Variants in GEM observed in about 807,000 individuals in gnomAD.
The protein encoded by GEM is GTP-binding protein GEM.
A neutral mutation model predicts 33.0 loss-of-function variants in GEM; 31 were observed. That is an observed-to-expected ratio of 0.94 (90% CI 0.71 to 1.27). The LOEUF is 1.27. Ranked by LOEUF, GEM falls within the 50% of genes most tolerant of loss-of-function variation. The probability of loss-of-function intolerance (pLI) is 0.00; values close to 1 mark genes in which losing one functional copy is unlikely to be tolerated. For synonymous variants in GEM, 141 were observed against 143.7 expected, an observed-to-expected ratio of 0.98 and a Z score of 0.13; for missense variants, 354 against 390.5, an observed-to-expected ratio of 0.91 and a Z score of 0.79.
rs372249284 is a variant in GEM, at chr8:94,252,178, C to T, written c.454G>A (p.Ala152Thr). 5.0e-6 allele frequency: 8 copies of T among 1,612,980 alleles called. No homozygotes were observed. The highest frequency in any genetic ancestry group is 2.7e-5 in the African/African-American group (2 of 74,890). The change falls in exon 4 of 5, where the codon GCA (alanine) becomes ACA (threonine). Residue 152 changes from alanine to threonine, a missense_variant. Ala to Thr is a moderately conservative substitution (Grantham distance 58). Coordinates refer to ENST00000297596, the MANE Select transcript of GEM (RefSeq NM_005261.4). The stretch of plus-strand genomic sequence containing the variant: ...GTGATTGAGTAGACAATCAGGTATG[C>T]GTCCCCGACCTGCATGCAGTGGTCA... ...LHDHCMQVGD[A>T]YLIVYSITDR...
At chr8:94,254,388 C>T (rs377665469) in intron 2 of GEM, among the ~76,000 whole-genome samples, 1 of 152,098 alleles carries the variant, frequency 6.6e-6, no homozygotes, top group African/African-American at 2.4e-5. Flanking sequence ...AATTCAAATC[C>T]AGGTGCCATC....
chr8:94,252,318 T>A, intron 3 of GEM, 95 bp from the exon 4 acceptor site: 2 of 830,890 alleles, frequency 2.4e-6, no homozygotes, highest in Non-Finnish European at 3.9e-6. Context: ...TAAAGTACAC[T>A]TGCTGATAGG....
At chr8:94,255,490 C>T (rs1808871594) in intron 2 of GEM, among the ~76,000 whole-genome samples, 1 of 152,126 alleles carries the variant, frequency 6.6e-6, no homozygotes, top group African/African-American at 2.4e-5. Flanking sequence ...CGGCCTCTGG[C>T]TGTGTGCACC....
Position 94,260,319 on chromosome 8 carries a change from G to A in GEM, c.185C>T (p.Ser62Phe), listed in dbSNP as rs755764047. 6 of 1,614,190 alleles carry A rather than the reference G, an allele frequency of 3.7e-6. No individual in the cohort carries two copies. Among genetic ancestry groups the A allele is most frequent in the Non-Finnish European group, 5.1e-6 (6 of 1,179,992 alleles). Residue 62 changes from serine to phenylalanine, a missense_variant, in exon 2 of 5, where the codon TCC (serine) becomes TTC (phenylalanine). By Grantham distance (155) the Ser-to-Phe change is radical. Coordinates refer to ENST00000297596, the MANE Select transcript of GEM (RefSeq NM_005261.4). ...DHCRRSWSSD[S>F]TDSVISSESG... ...CTCAGAGGAGATGACTGAGTCTGTG[G>A]AGTCAGAGGACCAGCTTCGGCGGCA...
In GEM at chr8:94,256,986, A is replaced by T. The variant is rs58885142; in HGVS notation, c.331+3187T>A. The stretch of plus-strand genomic sequence containing the variant: ...AAGAGCACCCAGCCAAGTCAGTGTC[A>T]GAGCTGCGTCTAAACCCATCATCAA... On this transcript the variant is annotated intron_variant, in intron 2 of 4. Transcript: ENST00000297596. 4.7e-3 allele frequency among the ~76,000 whole-genome samples: 713 copies of T among 152,218 alleles called. 7 individuals are homozygous for T. Among genetic ancestry groups the T allele is most frequent in the African/African-American group, 0.016 (681 of 41,530 alleles).
chr8:94,257,558 C>T (rs1040308912), intron 2 of GEM, among the ~76,000 whole-genome samples: 1 of 152,204 alleles, frequency 6.6e-6, no homozygotes, highest in Non-Finnish European at 1.5e-5. Context: ...CCTTACACCA[C>T]TTTCAAGACA....
Position 94,260,280 on chromosome 8 carries a change from T to C in GEM, c.224A>G (p.Tyr75Cys), listed in dbSNP as rs772917669. 1.9e-6 allele frequency: 3 copies of C among 1,613,542 alleles called. No homozygotes were observed. Among genetic ancestry groups the C allele is most frequent in the South Asian group, 2.2e-5 (2 of 91,084 alleles). Reference protein sequence around the residue: ...SVISSESGNTYYRVVLIGEQG... With the variant: ...SVISSESGNTCYRVVLIGEQG... ...CTCCCCTATGAGCACCACTCGGTAG[T>C]AGGTGTTCCCTGACTCAGAGGAGAT... Residue 75 changes from tyrosine to cysteine, a missense_variant, in exon 2 of 5, where the codon TAC (tyrosine) becomes TGC (cysteine). Transcript: ENST00000297596.
At chr8:94,253,209 C>A in intron 2 of GEM, 97 bp from the exon 3 acceptor site, 1 of 709,604 alleles carries the variant, frequency 1.4e-6, no homozygotes. Context: ...CATAAACTTA[C>A]TAAATATGCA....
At chr8:94,259,817 GTC>G (rs758588642) in intron 2 of GEM, 50 of 208,492 alleles carry the variant, frequency 2.4e-4, no homozygotes, top group Non-Finnish European at 4.1e-4. Context: ...AAAAGGCTGT[GTC>G]TATACTGAGT....
chr8:94,257,155 A>T (rs1315490465), intron 2 of GEM, among the ~76,000 whole-genome samples: 1 of 151,400 alleles, frequency 6.6e-6, no homozygotes, highest in Non-Finnish European at 1.5e-5. Flanking sequence ...TATTTTATTT[A>T]TTTTATTTTA....
At chr8:94,260,127 G>T (rs747744765) in intron 2 of GEM, 46 bp downstream of exon 2, 4 of 1,282,258 alleles carry the variant, frequency 3.1e-6, no homozygotes, top group Non-Finnish European at 4.5e-6. Context: ...CTTTCTTCCT[G>T]GGCCACCCCT....
In GEM at chr8:94,250,579, C is replaced by A. The variant is rs778977780; in HGVS notation, c.622G>T (p.Ala208Ser). 6.2e-7 allele frequency: 1 copy of A among 1,611,812 alleles called. No homozygotes were observed. Among genetic ancestry groups the A allele is most frequent in the Non-Finnish European group, 8.5e-7 (1 of 1,178,310 alleles). ...CREVSVSEGR[A>S]CAVVFDCKFI... is the part of the protein sequence containing the mutation. Reference sequence around the variant, plus strand: ...TTGCAGTCAAACACCACTGCACAGGCTCTCCCTTCTGGGAAGGAAAGAAAG... The same window carrying A: ...TTGCAGTCAAACACCACTGCACAGGATCTCCCTTCTGGGAAGGAAAGAAAG... Residue 208 changes from alanine (A) to serine (S), a missense_variant, in exon 5 of 5, where the codon GCC becomes TCC. Physicochemically the swap from Ala to Ser is moderately conservative, Grantham distance 99 (BLOSUM62 1). Coordinates refer to ENST00000297596, the MANE Select transcript of GEM (RefSeq NM_005261.4).
intron 4 of GEM, 104 bp from the exon 5 acceptor site, chr8:94,250,691 T>C (rs1454728874): frequency 7.9e-6 from 7 of 888,472 alleles, no homozygotes; most frequent in Admixed American, 2.8e-5. Context: ...CAGCTGTATA[T>C]GCAGTGGATA....
chr8:94,250,318 CAG>C lies in GEM; in HGVS notation c.881_882del (p.Ser294CysfsTer24). 2 of 1,612,856 alleles carry C rather than the reference CAG, an allele frequency of 1.2e-6. No individual in the cohort carries two copies. The highest frequency in any genetic ancestry group is 1.7e-6 in the Non-Finnish European group (2 of 1,179,186). On this transcript the variant is annotated frameshift_variant, in exon 5 of 5. Transcript: ENST00000297596. LOFTEE classifies it high-confidence loss of function. ...KLKSKSCHDLSVL is the reference protein window; with the variant it reads ...KLKSKSCHDLXVL ...TGGGTGACCCTGGGTTCCTAGAGTA[CAG>C]AGAGGTCATGGCAGGATTTGGACTT...
At chr8:94,259,503 C>T (rs978203114) in intron 2 of GEM, among the ~76,000 whole-genome samples, 8 of 152,158 alleles carry the variant, frequency 5.3e-5, no homozygotes, top group African/African-American at 1.9e-4. Context: ...TAGGGCTGTG[C>T]TTTACCCCTA....
intron 1 of GEM, among the ~76,000 whole-genome samples, chr8:94,261,119 T>C (rs1376298738): frequency 2.6e-5 from 4 of 152,118 alleles, no homozygotes; most frequent in Non-Finnish European, 5.9e-5. Flanking sequence ...TCCAGCTGCC[T>C]GGAGAGCATC....
At chr8:94,261,621 C>T (rs760496953) in intron 1 of GEM, among the ~76,000 whole-genome samples, 11 of 152,160 alleles carry the variant, frequency 7.2e-5, no homozygotes, top group Non-Finnish European at 1.3e-4. Flanking sequence ...CCTCGGCTTC[C>T]GAAAGTGCTG....
intron 1 of GEM, among the ~76,000 whole-genome samples, chr8:94,261,491 A>G (rs1274635256): frequency 6.6e-6 from 1 of 152,188 alleles, no homozygotes; most frequent in Non-Finnish European, 1.5e-5. Flanking sequence ...CTGGGACTAC[A>G]GACCTGCACT....
chr8:94,250,576 A>C lies in GEM; in HGVS notation c.625T>G (p.Cys209Gly). The C allele has an allele frequency of 6.2e-7, 1 of 1,612,178 alleles. No individual in the cohort carries two copies. The highest frequency in any genetic ancestry group is 1.1e-5 in the South Asian group (1 of 90,936). Residue 209 changes from cysteine (C) to glycine (G), a missense_variant, in exon 5 of 5, where the codon TGT (cysteine) becomes GGT (glycine). By Grantham distance (159) the Cys-to-Gly change is radical (BLOSUM62 -3). Coordinates refer to ENST00000297596, the MANE Select transcript of GEM (RefSeq NM_005261.4). ...AACTTGCAGTCAAACACCACTGCAC[A>C]GGCTCTCCCTTCTGGGAAGGAAAGA... Reference protein sequence around the residue: ...REVSVSEGRACAVVFDCKFIE... With the variant: ...REVSVSEGRAGAVVFDCKFIE...
Sources: gnomAD v4.1 joint callset for allele counts (sites outside exome capture counted in the v4.1 genomes callset) on GRCh38, gnomAD v4.1.1 for gene constraint, MANE v1.5 for transcripts, NCBI Gene and HGNC (gene_info 2026-07-23, HGNC 2026-07-21) for gene names.